Variants in CCNB1 observed in about 807,000 individuals in gnomAD.
The protein encoded by CCNB1 is G2/mitotic-specific cyclin-B1.
Under a neutral mutation model 44.4 loss-of-function variants are expected in CCNB1, and 26 were observed. The observed-to-expected ratio is 0.59, with a 90% CI of 0.43 to 0.81. The LOEUF is 0.81. CCNB1 is among the 40% of genes least tolerant of loss of function. The pLI is 0.00. For missense variants in CCNB1, 477 were observed against 520.9 expected (o/e 0.92, Z 0.82); for synonymous variants, 195 against 181.4 (o/e 1.08, Z -0.60).
chr5:69,174,261 C>T lies in CCNB1; in HGVS notation c.557C>T (p.Ala186Val), dbSNP rs780596612. ...CATTTTCTTTTGCAGGAAGAGCAAGCAGTCAGACCAAAATACCTACTGGGT... is the reference window on the plus strand; with the variant it reads ...CATTTTCTTTTGCAGGAAGAGCAAGTAGTCAGACCAAAATACCTACTGGGT... ...AYLRQLEEEQ[A>V]VRPKYLLGRE... is the part of the protein sequence containing the mutation. Residue 186 changes from alanine to valine, a missense_variant, in exon 5 of 9, where the codon GCA becomes GTA. Coordinates refer to ENST00000256442, the MANE Select transcript of CCNB1 (RefSeq NM_031966.4). The T allele has an allele frequency of 6.2e-7, 1 of 1,613,650 alleles. No individual in the cohort carries two copies. The highest frequency in any genetic ancestry group is 2.2e-5 in the East Asian group (1 of 44,876).
At position 69,177,930 on chromosome 5, in the gene CCNB1, TTACTGA is replaced by T; in HGVS notation, c.*300_*305del. 1 of 227,372 alleles carries T rather than the reference TTACTGA, an allele frequency of 4.4e-6. No homozygotes were observed. Among genetic ancestry groups the T allele is most frequent in the South Asian group, 9.5e-5 (1 of 10,472 alleles). The allele number at this position is 227,372 out of a possible 1,614,324, so 14.1% of individuals were successfully genotyped here. A position where few individuals can be genotyped will look rare whatever the true frequency, so the allele number is the denominator to read the frequency against. ...CTGGCTTTTACTTTATTAATATGAGTTACTGAAGGTGATGGAGGTATTTGAAAATTT... is the reference window on the plus strand; with the variant it reads ...CTGGCTTTTACTTTATTAATATGAGTAGGTGATGGAGGTATTTGAAAATTT... On this transcript the variant is annotated 3_prime_UTR_variant, in exon 9 of 9. Coordinates refer to ENST00000256442, the MANE Select transcript of CCNB1 (RefSeq NM_031966.4).
Position 69,177,738 on chromosome 5 carries a change from T to C in CCNB1, c.*107T>C. The C allele has an allele frequency of 1.5e-6, 1 of 685,856 alleles. No individual in the cohort carries two copies. The highest frequency in any genetic ancestry group is 2.6e-5 in the East Asian group (1 of 37,958). The allele number at this position is 685,856 out of a possible 1,614,324, so 42.5% of individuals were successfully genotyped here. ...CTTTTAATAAAGCTTGTGGCCCCTTTTACTTTTTTATAGCTTAACTAATTT... is the reference window on the plus strand; with the variant it reads ...CTTTTAATAAAGCTTGTGGCCCCTTCTACTTTTTTATAGCTTAACTAATTT... On this transcript the variant is annotated 3_prime_UTR_variant, in exon 9 of 9. Coordinates refer to ENST00000256442, the MANE Select transcript of CCNB1 (RefSeq NM_031966.4).
intron 7 of CCNB1, among the ~76,000 whole-genome samples, chr5:69,176,825 A>G (rs1306857609): frequency 2.0e-5 from 3 of 151,898 alleles, no homozygotes; most frequent in Admixed American, 2.0e-4. Flanking sequence ...CTAAAAATAC[A>G]AAAATTAGCC....
In CCNB1 at chr5:69,167,948, T is replaced by A; in HGVS notation, c.62T>A (p.Met21Lys). The change falls in exon 2 of 9, where the codon ATG (methionine) becomes AAG (lysine). Residue 21 changes from methionine (M) to lysine (K), a missense_variant. By Grantham distance (95) the Met-to-Lys change is moderately conservative. Coordinates refer to ENST00000256442, the MANE Select transcript of CCNB1 (RefSeq NM_031966.4). ...GCTGAAAATAAGGCGAAGATCAACA[T>A]GGCAGGCGCAAAGCGCGTTCCTACG... Reference protein sequence around the residue: ...INAENKAKINMAGAKRVPTAP... With the variant: ...INAENKAKINKAGAKRVPTAP... The A allele has an allele frequency of 6.2e-7, 1 of 1,612,952 alleles. No homozygotes were observed. The highest frequency in any genetic ancestry group is 8.5e-7 in the Non-Finnish European group (1 of 1,179,762).
chr5:69,170,193 G>A (rs1747429543), intron 3 of CCNB1, among the ~76,000 whole-genome samples: 1 of 151,470 alleles, frequency 6.6e-6, no homozygotes, highest in African/African-American at 2.4e-5. Context: ...ATGTTGGCCA[G>A]GCTGGTCTCG....
chr5:69,172,333 C>A (rs1561313808), intron 4 of CCNB1, among the ~76,000 whole-genome samples: 1 of 152,114 alleles, frequency 6.6e-6, no homozygotes, highest in Non-Finnish European at 1.5e-5. Context: ...AATCTCGGCT[C>A]AGTCCAGCCT....
At chr5:69,174,773 A>G (rs1374130167) in intron 5 of CCNB1, 104 bp from the exon 6 acceptor site, 63 of 792,536 alleles carry the variant, frequency 7.9e-5, no homozygotes, top group Non-Finnish European at 1.7e-5. Flanking sequence ...ATATGGTGTC[A>G]TTAAGATTTT....
Position 69,171,131 on chromosome 5 carries a change from A to G in CCNB1, c.364-139A>G, listed in dbSNP as rs985784106. 1.7e-4 allele frequency: 103 copies of G among 613,166 alleles called. No individual in the cohort carries two copies. In the East Asian group the frequency reaches 2.8e-3, roughly 17 times the overall value. 38.0% of individuals were successfully genotyped at this position (613,166 alleles called of 1,614,324 possible). On this transcript the variant is annotated intron_variant, in intron 3 of 8. Coordinates refer to ENST00000256442, the MANE Select transcript of CCNB1 (RefSeq NM_031966.4). ...AAAGAAATGGAATAAATCTGAAAAGATACTTTTCCTTTAAGGAAATGAATT... is the reference window on the plus strand; with the variant it reads ...AAAGAAATGGAATAAATCTGAAAAGGTACTTTTCCTTTAAGGAAATGAATT...
rs1458221275 is a variant in CCNB1, at chr5:69,175,083, C to A, written c.912C>A (p.His304Gln). Residue 304 changes from histidine (H) to glutamine (Q), a missense_variant, in exon 6 of 9, where the codon CAC (histidine) becomes CAA (glutamine). Transcript: ENST00000256442. Reference sequence around the variant, plus strand: ...GTCTGGGTCGGCCTCTACCTTTGCACTTCCTTCGGAGAGCATCTAAGATTG... The same window carrying A: ...GTCTGGGTCGGCCTCTACCTTTGCAATTCCTTCGGAGAGCATCTAAGATTG... ...NFGLGRPLPL[H>Q]FLRRASKIGE... 1 of 1,613,758 alleles carries A rather than the reference C, an allele frequency of 6.2e-7. No homozygotes were observed. Among genetic ancestry groups the A allele is most frequent in the Admixed American group, 1.7e-5 (1 of 60,018 alleles).
chr5:69,177,350 G>A lies in CCNB1; in HGVS notation c.1194+1G>A, dbSNP rs1747618945. The A allele has an allele frequency of 6.3e-7, 1 of 1,578,720 alleles. No individual in the cohort carries two copies. The highest frequency in any genetic ancestry group is 8.7e-7 in the Non-Finnish European group (1 of 1,147,942). ...AAATCAAGGACTTACAAAGCACATGGTGAGTCAATATAGTGGCATTGTAAG... is the reference window on the plus strand; with the variant it reads ...AAATCAAGGACTTACAAAGCACATGATGAGTCAATATAGTGGCATTGTAAG... On this transcript the variant is annotated splice_donor_variant, in intron 8 of 8. Coordinates refer to ENST00000256442, the MANE Select transcript of CCNB1 (RefSeq NM_031966.4). LOFTEE classifies it high-confidence loss of function.
intron 3 of CCNB1, 50 bp from the exon 4 acceptor site, chr5:69,171,220 C>T (rs1404483258): frequency 9.7e-6 from 14 of 1,450,276 alleles, no homozygotes; most frequent in Non-Finnish European, 1.3e-5. Flanking sequence ...CATGCCCAAA[C>T]TATAGTGCTT....
At chr5:69,169,346 G>A (rs368448025) in intron 3 of CCNB1, among the ~76,000 whole-genome samples, 2 of 151,860 alleles carry the variant, frequency 1.3e-5, no homozygotes, top group African/African-American at 4.8e-5. Flanking sequence ...CGTTAGCCAC[G>A]GCGCCCAGCC....
chr5:69,173,454 T>G (rs1194599897), intron 4 of CCNB1, among the ~76,000 whole-genome samples: 1 of 152,152 alleles, frequency 6.6e-6, no homozygotes, highest in Non-Finnish European at 1.5e-5. Context: ...TAGGCAGAAG[T>G]CACATTGAAT....
rs144048886 is a variant in CCNB1, at chr5:69,168,361, A to G, written c.363+18A>G. 258 of 1,613,790 alleles carry G rather than the reference A, an allele frequency of 1.6e-4. No homozygotes were observed. The African/African-American group carries it at 2.7e-3, about 17-fold the overall frequency. On this transcript the variant is annotated intron_variant, in intron 3 of 8. Transcript: ENST00000256442. ...CTATTTTGGTAAACTTATTCTTACC[A>G]TTGTAGAGTCTGTTGATTATTTCTT...
At chr5:69,168,888 T>C (rs769670564) in intron 3 of CCNB1, among the ~76,000 whole-genome samples, 1 of 152,158 alleles carries the variant, frequency 6.6e-6, no homozygotes, top group Non-Finnish European at 1.5e-5. Context: ...GAAGATGAAT[T>C]AACACTTAGC....
At position 69,168,236 on chromosome 5, in the gene CCNB1, G is replaced by A; in HGVS notation, c.256G>A (p.Val86Ile). 1 of 1,614,136 alleles carries A rather than the reference G, an allele frequency of 6.2e-7. No homozygotes were observed. Among genetic ancestry groups the A allele is most frequent in the Non-Finnish European group, 8.5e-7 (1 of 1,180,032 alleles). Reference sequence around the variant, plus strand: ...AAAACTACCAAAACCTCTTGAAAAGGTACCTATGCTGGTGCCAGTGCCAGT... The same window carrying A: ...AAAACTACCAAAACCTCTTGAAAAGATACCTATGCTGGTGCCAGTGCCAGT... Reference protein sequence around the residue: ...DKKLPKPLEKVPMLVPVPVSE... With the variant: ...DKKLPKPLEKIPMLVPVPVSE... Residue 86 changes from valine to isoleucine, a missense_variant, in exon 3 of 9, where the codon GTA becomes ATA. Coordinates refer to ENST00000256442, the MANE Select transcript of CCNB1 (RefSeq NM_031966.4).
chr5:69,168,881 G>A (rs1037486967), intron 3 of CCNB1, among the ~76,000 whole-genome samples: 3 of 152,138 alleles, frequency 2.0e-5, no homozygotes, highest in Admixed American at 1.3e-4. Context: ...TGGTTAAGAA[G>A]ATGAATTAAC....
intron 3 of CCNB1, 134 bp downstream of exon 3, chr5:69,168,477 C>A: frequency 9.9e-7 from 1 of 1,014,356 alleles, no homozygotes; most frequent in Non-Finnish European, 1.5e-6. Context: ...GCAAGCTCTG[C>A]CTAACATTTT....
chr5:69,167,277 C>A lies in CCNB1; in HGVS notation c.15C>A (p.Val5=). 6.3e-7 allele frequency: 1 copy of A among 1,583,768 alleles called. No homozygotes were observed. The change falls in exon 1 of 9, where the codon GTC becomes GTA. Residue 5 remains valine (V), a synonymous_variant. Coordinates refer to ENST00000256442, the MANE Select transcript of CCNB1 (RefSeq NM_031966.4). MALR[V]TRNSKINAEN... is the part of the protein sequence containing the mutation. ...AAGAGGAAGCCATGGCGCTCCGAGT[C>A]ACCAGGGTGAGCCGCTTCGGACTGC...
Sources: gnomAD v4.1 joint callset for allele counts (sites outside exome capture counted in the v4.1 genomes callset) on GRCh38, gnomAD v4.1.1 for gene constraint, MANE v1.5 for transcripts, NCBI Gene and HGNC (gene_info 2026-07-23, HGNC 2026-07-21) for gene names.